BMPER: variants seen among roughly 807,000 people sequenced by gnomAD.
BMPER encodes the protein BMP binding endothelial regulator, also known as BMP-binding endothelial regulator protein.
A neutral mutation model predicts 87.3 loss-of-function variants in BMPER; 45 were observed. That is an observed-to-expected ratio of 0.52 (90% CI 0.41 to 0.66). The LOEUF is 0.66. BMPER is among the 30% of genes least tolerant of loss of function. The pLI is 0.00. For synonymous variants in BMPER, 326 were observed against 316.2 expected (o/e 1.03, Z -0.33); for missense variants, 784 against 867.5 (o/e 0.90, Z 1.21).
At chr7:33,971,675 C>T (rs1488367602) in intron 5 of BMPER, among the ~76,000 whole-genome samples, 1 of 152,040 alleles carries the variant, frequency 6.6e-6, no homozygotes, top group African/African-American at 2.4e-5. Flanking sequence ...CCAGAGTCAC[C>T]TGAAAAATCC....
chr7:34,103,773 A>G (rs1264382025), intron 13 of BMPER, among the ~76,000 whole-genome samples: 2 of 152,210 alleles, frequency 1.3e-5, no homozygotes, highest in Non-Finnish European at 2.9e-5. Flanking sequence ...AAGAGCTGCT[A>G]TAAAGGGAGG....
At chr7:33,971,401 CA>C (rs1161014730) in intron 5 of BMPER, among the ~76,000 whole-genome samples, 2 of 152,196 alleles carry the variant, frequency 1.3e-5, no homozygotes, top group Non-Finnish European at 2.9e-5. Flanking sequence ...CCCTCCTCAG[CA>C]ACCTGGGCTG....
intron 6 of BMPER, among the ~76,000 whole-genome samples, chr7:33,984,569 T>A (rs1399073177): frequency 1.3e-4 from 20 of 152,078 alleles, no homozygotes; most frequent in Admixed American, 1.3e-3. Context: ...TATGGAGGAG[T>A]TGGGTTCACC....
intron 11 of BMPER, 33 bp downstream of exon 11, chr7:34,062,080 T>C (rs1788452679): frequency 1.9e-6 from 3 of 1,590,664 alleles, no homozygotes; most frequent in Non-Finnish European, 2.6e-6. Flanking sequence ...GTGCTATTAG[T>C]ATTTGTTTTG....
At chr7:34,006,855 T>C (rs1562685334) in intron 6 of BMPER, among the ~76,000 whole-genome samples, 1 of 152,096 alleles carries the variant, frequency 6.6e-6, no homozygotes, top group Non-Finnish European at 1.5e-5. Flanking sequence ...AATCTGTGTT[T>C]TGATGTGACT....
At chr7:34,000,234 A>C (rs1312309547) in intron 6 of BMPER, among the ~76,000 whole-genome samples, 1 of 152,202 alleles carries the variant, frequency 6.6e-6, no homozygotes, top group Non-Finnish European at 1.5e-5. Flanking sequence ...TGTGACTCTG[A>C]CATGTTTTAG....
chr7:34,150,876 A>G (rs914702154), intron 14 of BMPER, among the ~76,000 whole-genome samples: 11 of 152,324 alleles, frequency 7.2e-5, no homozygotes, highest in Non-Finnish European at 1.6e-4. Context: ...GAGAAAGACT[A>G]TGAGAGGATG....
intron 12 of BMPER, among the ~76,000 whole-genome samples, chr7:34,084,286 G>A (rs1308299246): frequency 6.6e-6 from 1 of 152,232 alleles, no homozygotes; most frequent in East Asian, 1.9e-4. Context: ...GGGCGACAGA[G>A]CAAGACTGTC....
At chr7:33,983,580 A>AAAAC (rs566973434) in intron 6 of BMPER, among the ~76,000 whole-genome samples, 2 of 152,090 alleles carry the variant, frequency 1.3e-5, no homozygotes, top group East Asian at 1.9e-4. Flanking sequence ...TTTTTGTTTA[A>AAAAC]AAACAAACAA....
At chr7:34,149,651 GGT>G (rs1372637937) in intron 14 of BMPER, among the ~76,000 whole-genome samples, 1 of 151,476 alleles carries the variant, frequency 6.6e-6, no homozygotes, top group Non-Finnish European at 1.5e-5. Flanking sequence ...AGAGAGAGAA[GGT>G]GTCTCCAGGA....
chr7:34,074,384 G>A (rs1402706034), intron 11 of BMPER, among the ~76,000 whole-genome samples: 1 of 152,238 alleles, frequency 6.6e-6, no homozygotes, highest in African/African-American at 2.4e-5. Flanking sequence ...AAGATGGGGG[G>A]CTCCTGAATG....
At chr7:34,056,672 C>T (rs1178021332) in intron 9 of BMPER, among the ~76,000 whole-genome samples, 1 of 149,602 alleles carries the variant, frequency 6.7e-6, no homozygotes, top group Non-Finnish European at 1.5e-5. Flanking sequence ...GGCTGGAGTG[C>T]AGTGGTGTGA....
chr7:34,137,965 C>T (rs774293444), intron 13 of BMPER, among the ~76,000 whole-genome samples: 17 of 152,234 alleles, frequency 1.1e-4, no homozygotes, highest in South Asian at 2.1e-4. Context: ...GATTCCCTGG[C>T]GCTAATGGAG....
At chr7:34,141,153 A>G (rs961588082) in intron 13 of BMPER, among the ~76,000 whole-genome samples, 3 of 152,228 alleles carry the variant, frequency 2.0e-5, no homozygotes, top group Admixed American at 2.0e-4. Context: ...AGATTCATAC[A>G]CTGGCATTTA....
chr7:33,966,420 G>A, intron 3 of BMPER, 59 bp from the exon 4 acceptor site: 1 of 1,444,194 alleles, frequency 6.9e-7, no homozygotes, highest in Non-Finnish European at 9.7e-7. Flanking sequence ...GCTCCAAAAG[G>A]TAAAGGAAAC....
chr7:34,032,994 C>T (rs144773323), intron 6 of BMPER, among the ~76,000 whole-genome samples: 176 of 152,238 alleles, frequency 1.2e-3, no homozygotes, highest in Non-Finnish European at 1.9e-3. Context: ...ACTTTTTGTC[C>T]TAGACCACTG....
rs192461516 is a variant in BMPER, at chr7:33,952,784, T to G, written c.320-13695T>G. Among the ~76,000 whole-genome samples, 4 of 152,360 alleles carry G rather than the reference T, an allele frequency of 2.6e-5. No individual in the cohort carries two copies. The East Asian group carries it at 7.7e-4, about 29-fold the overall frequency. ...TGATTCCTTTATTTTCTTTTTAGAA[T>G]TAAATGTTCTATATTTCTTTTGGAG... is the stretch of plus-strand genomic sequence containing the variant. On this transcript the variant is annotated intron_variant, in intron 3 of 14. Transcript: ENST00000649409.
intron 13 of BMPER, among the ~76,000 whole-genome samples, chr7:34,105,368 G>C (rs1171325022): frequency 6.6e-6 from 1 of 152,190 alleles, no homozygotes; most frequent in East Asian, 1.9e-4. Context: ...CTTAGGAAAG[G>C]TCTAAGAAGA....
At chr7:34,118,683 A>C (rs1337875347) in intron 13 of BMPER, among the ~76,000 whole-genome samples, 1 of 152,204 alleles carries the variant, frequency 6.6e-6, no homozygotes. Context: ...ACAAATAGTC[A>C]AATATTATTC....
Sources: gnomAD v4.1 joint callset for allele counts (sites outside exome capture counted in the v4.1 genomes callset) on GRCh38, gnomAD v4.1.1 for gene constraint, MANE v1.5 for transcripts, NCBI Gene and HGNC (gene_info 2026-07-23, HGNC 2026-07-21) for gene names.